The following THRAP3 variants were observed in gnomAD, a reference collection of about 807,000 sequenced individuals.
THRAP3 encodes thyroid hormone receptor associated protein 3, also known as thyroid hormone receptor-associated protein 3.
In THRAP3, 16 loss-of-function variants were observed where a neutral mutation model predicts 101.0. That is an observed-to-expected ratio of 0.16 (90% CI 0.11 to 0.24). The LOEUF (loss-of-function observed/expected upper bound fraction) is 0.24. Among genes scored for constraint, THRAP3 ranks in the 10% least tolerant of loss-of-function variants. The pLI, the probability that THRAP3 is intolerant of heterozygous loss-of-function variation, is 1.00. For missense variants in THRAP3, 989 were observed against 1,202.7 expected (o/e 0.82, Z 2.63); for synonymous variants, 407 against 422.6 (o/e 0.96, Z 0.45).
chr1:36,287,754 T>G, intron 4 of THRAP3: 3 of 985,434 alleles, frequency 3.0e-6, no homozygotes, highest in Non-Finnish European at 3.6e-6. Flanking sequence ...CAAGGCATAG[T>G]CCAGGAAGGC....
At chr1:36,214,051 A>AAAGG in the THRAP3 span, among the ~76,000 whole-genome samples, 35 of 126,872 alleles carry the variant, frequency 2.8e-4, no homozygotes, top group South Asian at 7.0e-4. Context: ...AGAAAGAAAG[A>AAAGG]AAGAAAGAAA....
intron 1 of THRAP3, among the ~76,000 whole-genome samples, chr1:36,243,442 A>G (rs1424574587): frequency 6.6e-6 from 1 of 152,004 alleles, no homozygotes; most frequent in Non-Finnish European, 1.5e-5. Flanking sequence ...AACAAAGCAC[A>G]TCTTGCACCG....
chr1:36,257,446 G>GT (rs755049374), intron 1 of THRAP3, among the ~76,000 whole-genome samples: 7 of 152,160 alleles, frequency 4.6e-5, no homozygotes, highest in Non-Finnish European at 8.8e-5. Context: ...GAAGGGAAGA[G>GT]GGTCTATTGT....
In THRAP3 at chr1:36,271,049, C is replaced by T. The variant is rs573368393; in HGVS notation, c.-31-11484C>T. ...AAGTGCTCCTGCCCTTTCTTCCCGT[C>T]TCATATCCCTCCTTCTCCTGTTCCC... On this transcript the variant is annotated intron_variant, in intron 2 of 11. Coordinates refer to ENST00000354618, the MANE Select transcript of THRAP3 (RefSeq NM_005119.4). Among the ~76,000 whole-genome samples the T allele has an allele frequency of 8.6e-4, 131 of 152,258 alleles. 1 individual carries two copies. Among genetic ancestry groups the T allele is most frequent in the Non-Finnish European group, 1.4e-3 (96 of 68,026 alleles).
chr1:36,291,584 C>G, intron 6 of THRAP3, 38 bp downstream of exon 6: 1 of 1,601,734 alleles, frequency 6.2e-7, no homozygotes, highest in Non-Finnish European at 8.5e-7. Flanking sequence ...GCTCGTGTTC[C>G]ACACTTAGAA....
Position 36,291,383 on chromosome 1 carries a change from C to G in THRAP3, c.1755C>G (p.Gly585=). The part of the protein sequence containing the change: ...SFDEDLARPS[G]LLAQERKLCR... ...CATATTTCTTTTTCAGACCCAGTGG[C>G]TTATTGGCTCAGGAACGCAAGCTTT... Residue 585 remains glycine, a synonymous_variant, in exon 6 of 12, where the codon GGC becomes GGG. Coordinates refer to ENST00000354618, the MANE Select transcript of THRAP3 (RefSeq NM_005119.4). 6.2e-7 allele frequency: 1 copy of G among 1,613,612 alleles called. No individual in the cohort carries two copies. Among genetic ancestry groups the G allele is most frequent in the South Asian group, 1.1e-5 (1 of 91,014 alleles).
intron 2 of THRAP3, among the ~76,000 whole-genome samples, chr1:36,264,192 A>G (rs1248467611): frequency 6.6e-6 from 1 of 152,192 alleles, no homozygotes; most frequent in Non-Finnish European, 1.5e-5. Flanking sequence ...AGGTTTTAAT[A>G]AATAGCAAGA....
intron 2 of THRAP3, among the ~76,000 whole-genome samples, chr1:36,267,651 G>GCT (rs1258743277): frequency 6.2e-4 from 6 of 9,672 alleles, no homozygotes; most frequent in Admixed American, 3.2e-3. Flanking sequence ...AGTCAAACAG[G>GCT]AGGCCAGAGC....
Position 36,304,247 on chromosome 1 carries a change from C to T in THRAP3, c.*230C>T, listed in dbSNP as rs913800009. The T allele has an allele frequency of 9.2e-5, 41 of 447,060 alleles. No homozygotes were observed. Among genetic ancestry groups the T allele is most frequent in the Middle Eastern group, 1.2e-3 (2 of 1,676 alleles). The allele number at this position is 447,060 out of a possible 1,614,324, so 27.7% of individuals were successfully genotyped here. On this transcript the variant is annotated 3_prime_UTR_variant, in exon 12 of 12. Coordinates refer to ENST00000354618, the MANE Select transcript of THRAP3 (RefSeq NM_005119.4). ...GGCCCAGCTTTTGAGCAGAATACAA[C>T]GCATTGGGCTTTAGCTGTTTTTCTC...
chr1:36,269,296 C>T (rs911104389), intron 2 of THRAP3, among the ~76,000 whole-genome samples: 3 of 151,994 alleles, frequency 2.0e-5, no homozygotes, highest in Admixed American at 1.3e-4. Context: ...CAGTGGATTT[C>T]GGACACCATA....
intron 9 of THRAP3, 107 bp downstream of exon 9, chr1:36,296,877 T>C (rs774861856): frequency 7.9e-5 from 65 of 827,378 alleles, no homozygotes; most frequent in African/African-American, 7.2e-4. Flanking sequence ...TTAGTAATTA[T>C]AGCAACCTGT....
intron 2 of THRAP3, among the ~76,000 whole-genome samples, chr1:36,260,783 C>CTGCACTCTAGCCTGGGCTACAG (rs1181353918): frequency 1.4e-5 from 2 of 147,650 alleles, no homozygotes; most frequent in Non-Finnish European, 1.5e-5. Flanking sequence ...GATCGCACCA[C>CTGCACTCTAGCCTGGGCTACAG]TGCACTCTAG....
At chr1:36,229,423 GT>G (rs35936037) in intron 1 of THRAP3, among the ~76,000 whole-genome samples, 1,186 of 38,872 alleles carry the variant, frequency 0.031, 7 homozygotes, top group African/African-American at 0.067. Flanking sequence ...TTTTTTTTTT[GT>G]TTTTTTTTTT....
At chr1:36,216,495 CAAAAAAAA>C in the THRAP3 span, among the ~76,000 whole-genome samples, 1 of 56,422 alleles carries the variant, frequency 1.8e-5, no homozygotes. Flanking sequence ...GACTCCGTCT[CAAAAAAAA>C]AAAAAAAAAA....
upstream of THRAP3, among the ~76,000 whole-genome samples, chr1:36,220,722 G>A (rs1462858528): frequency 6.6e-6 from 1 of 152,100 alleles, no homozygotes; most frequent in Admixed American, 6.6e-5. Context: ...GGGAGGCTGA[G>A]GCGGGTGGAT....
At chr1:36,244,104 A>T (rs897061497) in intron 1 of THRAP3, among the ~76,000 whole-genome samples, 1 of 152,178 alleles carries the variant, frequency 6.6e-6, no homozygotes, top group Non-Finnish European at 1.5e-5. Context: ...TTTCTACTTA[A>T]GAATGACCAA....
At chr1:36,266,310 A>AGTTT (rs1645514278) in intron 2 of THRAP3, among the ~76,000 whole-genome samples, 1 of 152,138 alleles carries the variant, frequency 6.6e-6, no homozygotes, top group Non-Finnish European at 1.5e-5. Context: ...TGGGCAACAG[A>AGTTT]GCCAGACTCT....
intron 1 of THRAP3, among the ~76,000 whole-genome samples, chr1:36,238,457 TTTAGGGGTAGACTAATTTATTGCTTAGA>T (rs1372096205): frequency 6.6e-6 from 1 of 152,200 alleles, no homozygotes; most frequent in African/African-American, 2.4e-5. Context: ...AGATTATTTT[TTTAGGGGTAGACTAATTTATTGCTTAGA>T]TTGGGGCTTC....
intron 2 of THRAP3, among the ~76,000 whole-genome samples, chr1:36,281,667 A>G (rs575136357): frequency 9.3e-5 from 14 of 150,630 alleles, no homozygotes; most frequent in South Asian, 2.1e-4. Context: ...GAATCTTCCT[A>G]TGTTGCTTAG....
Sources: allele counts gnomAD v4.1 joint callset (sites outside exome capture counted in the v4.1 genomes callset), GRCh38; gene constraint gnomAD v4.1.1; transcripts MANE v1.5; gene names NCBI Gene and HGNC (gene_info 2026-07-23, HGNC 2026-07-21).